GSN: variants seen among roughly 807,000 people sequenced by gnomAD.
GSN encodes the protein gelsolin, also known as actin-depolymerizing factor.
GSN carries 56 observed loss-of-function variants against 85.7 expected under a neutral mutation model. The ratio of observed to expected loss-of-function variants is 0.65; its 90% CI spans 0.53 to 0.82. The LOEUF is 0.82. GSN is among the 40% of genes least tolerant of loss of function. The pLI is 0.00. For missense variants in GSN, 857 were observed against 979.8 expected, an observed-to-expected ratio of 0.87 and a Z score of 1.67; for synonymous variants, 373 against 399.1, an observed-to-expected ratio of 0.93 and a Z score of 0.78.
At chr9:121,310,449 CTG>C in intron 4 of GSN, 1 of 563,704 alleles carries the variant, frequency 1.8e-6, no homozygotes, top group Non-Finnish European at 3.2e-6. Context: ...CACTTCTTAG[CTG>C]TGTGGCCTTG....
At chr9:121,291,085 A>G (rs2058639963) in intron 2 of GSN, among the ~76,000 whole-genome samples, 1 of 152,206 alleles carries the variant, frequency 6.6e-6, no homozygotes, top group African/African-American at 2.4e-5. Flanking sequence ...AGTAAAAATA[A>G]TACAAATTTT....
At chr9:121,244,218 G>A (rs769637480) in intron 5 of GSN, among the ~76,000 whole-genome samples, 33 of 152,204 alleles carry the variant, frequency 2.2e-4, no homozygotes, top group Non-Finnish European at 3.1e-4. Context: ...TTAAATAGAT[G>A]TATCACAATG....
intron 2 of GSN, among the ~76,000 whole-genome samples, chr9:121,291,882 C>T (rs2058727120): frequency 6.6e-6 from 1 of 151,812 alleles, no homozygotes; most frequent in Admixed American, 6.6e-5. Context: ...ATCCAGAGCC[C>T]TCACTTTTTT....
intron 4 of GSN, among the ~76,000 whole-genome samples, chr9:121,213,993 C>T (rs2054012700): frequency 6.6e-6 from 1 of 152,234 alleles, no homozygotes; most frequent in South Asian, 2.1e-4. Context: ...CATCCAGCTT[C>T]AGCAATTACT....
Position 121,324,792 on chromosome 9 carries a change from TCC to T in GSN, c.1416+149_1416+150del. The stretch of plus-strand genomic sequence containing the variant: ...ATCCATCCATCCATCCATCCATCCA[TCC>T]ATGGAACAGGTATTTATTTAGGGCT... On this transcript the variant is annotated intron_variant, in intron 12 of 17. Transcript: ENST00000432226. 4.5e-6 allele frequency: 3 copies of T among 668,436 alleles called. No individual in the cohort carries two copies. In the South Asian group the frequency reaches 4.7e-5, roughly 11 times the overall value. The allele number at this position is 668,436 out of a possible 1,614,324, so 41.4% of individuals were successfully genotyped here.
intron 5 of GSN, among the ~76,000 whole-genome samples, chr9:121,246,088 A>G (rs191814351): frequency 1.2e-4 from 18 of 152,378 alleles, no homozygotes; most frequent in Non-Finnish European, 1.3e-4. Flanking sequence ...GAAATAATAT[A>G]TCTAAGATTT....
chr9:121,276,496 C>T (rs2056688476), intron 1 of GSN, among the ~76,000 whole-genome samples: 1 of 152,242 alleles, frequency 6.6e-6, no homozygotes, highest in South Asian at 2.1e-4. Flanking sequence ...TCCCATCCCC[C>T]AGAGACTTTG....
At chr9:121,251,997 T>C (rs147282017) in intron 6 of GSN, among the ~76,000 whole-genome samples, 2,400 of 152,154 alleles carry the variant, frequency 0.016, 33 homozygotes, top group Middle Eastern at 0.082. Flanking sequence ...ATACAAACAA[T>C]TCAAGTATAA....
chr9:121,268,876 GC>G (rs1319291259), intron 1 of GSN, among the ~76,000 whole-genome samples: 3 of 152,150 alleles, frequency 2.0e-5, no homozygotes, highest in Non-Finnish European at 4.4e-5. Flanking sequence ...CTGGGGTCCA[GC>G]CCCCCAGAAC....
rs1207497037 is a variant in GSN at position 121,299,788 on chromosome 9, T to C, written c.-9-2175T>C. The C allele has an allele frequency of 8.1e-7, 1 of 1,237,192 alleles. No homozygotes were observed. The highest frequency in any genetic ancestry group is 4.3e-5 in the Admixed American group (1 of 23,348). 76.6% of individuals were successfully genotyped at this position (1,237,192 alleles called of 1,614,324 possible). A position where few individuals can be genotyped will look rare whatever the true frequency, so the allele number is the denominator to read the frequency against. On this transcript the variant is annotated intron_variant, in intron 2 of 17. Transcript: ENST00000432226. The surrounding 1 kb of genome is among the most constrained non-coding windows in gnomAD (Gnocchi z 4.2). ...GGGGCGGTCCCCGGCTTGGGCGGGA[T>C]GGGCGGGCGGCTACTTAAGGTCGGC...
intron 2 of GSN, among the ~76,000 whole-genome samples, chr9:121,295,980 C>T (rs1021019722): frequency 5.3e-5 from 8 of 152,220 alleles, no homozygotes; most frequent in African/African-American, 1.9e-4. Flanking sequence ...ATGGCCACAG[C>T]CTGGGGATCT....
In GSN at chr9:121,332,725, CTT is replaced by C. The variant is rs71680051; in HGVS notation, c.*135_*136del. On this transcript the variant is annotated 3_prime_UTR_variant, in exon 18 of 18. Coordinates refer to ENST00000432226, the MANE Select transcript of GSN (RefSeq NM_198252.3). The surrounding 1 kb of genome is among the most constrained non-coding windows in gnomAD (Gnocchi z 4.8). ...GTGTGTGTGTGTGTGTGTGTTGTTT[CTT>C]TTTTTTTTTTTTACAGTATCCAAAA... The C allele has an allele frequency of 0.048, 27,880 of 578,504 alleles. 421 individuals are homozygous for C. The highest frequency in any genetic ancestry group is 0.18 in the Admixed American group (5,444 of 30,164). The allele number at this position is 578,504 out of a possible 1,614,324, so 35.8% of individuals were successfully genotyped here.
chr9:121,271,102 G>T (rs1392618792), intron 1 of GSN, among the ~76,000 whole-genome samples: 1 of 152,178 alleles, frequency 6.6e-6, no homozygotes, highest in Non-Finnish European at 1.5e-5. Flanking sequence ...GGGCATGGTG[G>T]CTCACACCTG....
At chr9:121,212,769 G>A (rs1413921088) in intron 4 of GSN, among the ~76,000 whole-genome samples, 1 of 151,192 alleles carries the variant, frequency 6.6e-6, no homozygotes, top group African/African-American at 2.4e-5. Context: ...TCAGACTCCC[G>A]AGCAGCTGGG....
At chr9:121,217,673 A>G (rs1219374759) in intron 4 of GSN, among the ~76,000 whole-genome samples, 1 of 151,936 alleles carries the variant, frequency 6.6e-6, no homozygotes, top group African/African-American at 2.4e-5. Context: ...ATTCTGAGGT[A>G]CTGGGGGTTA....
intron 11 of GSN, among the ~76,000 whole-genome samples, chr9:121,324,271 G>A (rs757454263): frequency 6.6e-6 from 1 of 152,190 alleles, no homozygotes; most frequent in Non-Finnish European, 1.5e-5. Context: ...TCTTCTCTGT[G>A]GCTGTTCAGC....
intron 5 of GSN, among the ~76,000 whole-genome samples, chr9:121,235,154 C>T (rs139544076): frequency 6.6e-6 from 1 of 152,202 alleles, no homozygotes; most frequent in Non-Finnish European, 1.5e-5. Context: ...TCCCCGAATC[C>T]GAGTTTGGCT....
intron 5 of GSN, chr9:121,239,005 T>C: frequency 2.0e-6 from 1 of 511,754 alleles, no homozygotes. Flanking sequence ...CTTGTGTAGC[T>C]GTCTGTCCAC....
chr9:121,286,526 C>T (rs116965732), intron 2 of GSN: 13,153 of 1,305,584 alleles, frequency 0.01, 119 homozygotes, highest in South Asian at 0.036. Flanking sequence ...CTCCATTTAT[C>T]CTCCAAGGCT....
Sources: allele counts gnomAD v4.1 joint callset (sites outside exome capture counted in the v4.1 genomes callset), GRCh38; gene constraint gnomAD v4.1.1; non-coding constraint Gnocchi (gnomAD v3.1); transcripts MANE v1.5; gene names NCBI Gene and HGNC (gene_info 2026-07-23, HGNC 2026-07-21).